The following SLC41A2 variants were observed in gnomAD, a reference collection of about 807,000 sequenced individuals.
SLC41A2 encodes SLC41A1-like 1.
A neutral mutation model predicts 58.3 loss-of-function variants in SLC41A2; 32 were observed. That is an observed-to-expected ratio of 0.55 (90% CI 0.41 to 0.74). SLC41A2 has a LOEUF of 0.74. SLC41A2 is among the 30% of genes least tolerant of loss of function. The pLI is 0.00. For synonymous variants in SLC41A2, 190 were observed against 235.0 expected (o/e 0.81, Z 1.75); for missense variants, 514 against 680.6 (o/e 0.76, Z 2.72).
chr12:104,811,049 AT>A (rs897766870), intron 10 of SLC41A2, among the ~76,000 whole-genome samples: 20 of 151,900 alleles, frequency 1.3e-4, no homozygotes, highest in East Asian at 5.8e-4. Context: ...AGAAATAATG[AT>A]TTTTTTTTCC....
chr12:104,846,363 G>A (rs1333006112), intron 8 of SLC41A2, among the ~76,000 whole-genome samples: 1 of 152,044 alleles, frequency 6.6e-6, no homozygotes, highest in Non-Finnish European at 1.5e-5. Flanking sequence ...TAAAGAAATT[G>A]GTACAGAGCC....
chr12:104,880,687 GC>G (rs1264531130), intron 6 of SLC41A2, among the ~76,000 whole-genome samples: 2 of 152,098 alleles, frequency 1.3e-5, no homozygotes, highest in Non-Finnish European at 2.9e-5. Flanking sequence ...TGGTGGACAC[GC>G]TTTTTGACGT....
At chr12:104,927,866 A>G in intron 2 of SLC41A2, 107 bp downstream of exon 2, 1 of 1,047,936 alleles carries the variant, frequency 9.5e-7, no homozygotes, top group Non-Finnish European at 1.3e-6. Context: ...CAAGGGATAA[A>G]TTAAATCTAA....
intron 10 of SLC41A2, among the ~76,000 whole-genome samples, chr12:104,836,499 T>C (rs527320437): frequency 7.4e-4 from 112 of 152,336 alleles, no homozygotes; most frequent in African/African-American, 2.6e-3. Context: ...ATGGCTTATA[T>C]ATAAATGAAG....
At chr12:104,943,050 A>C (rs1476487209) in intron 1 of SLC41A2, among the ~76,000 whole-genome samples, 2 of 152,202 alleles carry the variant, frequency 1.3e-5, no homozygotes, top group Non-Finnish European at 2.9e-5. Flanking sequence ...CCACTCAAGG[A>C]CCAAATTAAA....
intron 3 of SLC41A2, among the ~76,000 whole-genome samples, chr12:104,904,854 T>C (rs1006415862): frequency 4.6e-5 from 7 of 152,090 alleles, no homozygotes; most frequent in African/African-American, 1.7e-4. Context: ...AAAAGCAGCG[T>C]GGACCCAAAG....
rs369704109 is a variant in SLC41A2, at chr12:104,813,816, CAT to C, written c.1537-8481_1537-8480del. ...ACACCCGGCTAATTTTTGTATTTTT[CAT>C]AGACATGGGGCTTCACCATGTTGGC... On this transcript the variant is annotated intron_variant, in intron 10 of 10. Coordinates refer to ENST00000258538, the MANE Select transcript of SLC41A2 (RefSeq NM_001352171.3). Among the ~76,000 whole-genome samples the C allele has an allele frequency of 5.9e-4, 89 of 152,072 alleles. No homozygotes were observed. In the East Asian group the frequency reaches 0.017, roughly 29 times the overall value.
At chr12:104,842,266 T>C (rs750507884) in intron 10 of SLC41A2, among the ~76,000 whole-genome samples, 16 of 152,162 alleles carry the variant, frequency 1.1e-4, no homozygotes, top group Middle Eastern at 3.4e-3. Flanking sequence ...TGTCAGAACA[T>C]GAAGATTTGA....
chr12:104,836,455 T>C (rs759358817), intron 10 of SLC41A2, among the ~76,000 whole-genome samples: 16 of 152,188 alleles, frequency 1.1e-4, no homozygotes, highest in Non-Finnish European at 1.9e-4. Flanking sequence ...GATCAAAAAC[T>C]TTCAGAAGAA....
chr12:104,931,979 T>A (rs1213504276), intron 1 of SLC41A2, among the ~76,000 whole-genome samples: 1 of 152,230 alleles, frequency 6.6e-6, no homozygotes, highest in Admixed American at 6.5e-5. Context: ...TTTTTGTGTG[T>A]GTGTGTTTTT....
At chr12:104,810,496 T>G (rs2041126058) in intron 10 of SLC41A2, among the ~76,000 whole-genome samples, 1 of 152,236 alleles carries the variant, frequency 6.6e-6, no homozygotes, top group African/African-American at 2.4e-5. Flanking sequence ...ATACACCATT[T>G]AGTAATTTAT....
At chr12:104,846,205 C>T (rs1464596640) in intron 8 of SLC41A2, among the ~76,000 whole-genome samples, 2 of 152,032 alleles carry the variant, frequency 1.3e-5, no homozygotes, top group South Asian at 4.2e-4. Flanking sequence ...TGCAAGCAGA[C>T]CAGAGCAGGT....
chr12:104,805,152 T>C lies in SLC41A2; in HGVS notation c.1722A>G (p.Ter574=). The C allele has an allele frequency of 1.2e-6, 2 of 1,603,328 alleles. No homozygotes were observed. The highest frequency in any genetic ancestry group is 1.7e-6 in the Non-Finnish European group (2 of 1,175,550). The stretch of plus-strand genomic sequence containing the variant: ...ACTTGAGAGCAGTTTGTAGAATTTA[T>C]TAGTCTCCAACATCTCCATCTCGAT... ...IGDRDGDVGD[*] is the part of the protein sequence containing the mutation. Residue 574 remains the stop codon, a stop_retained_variant, in exon 11 of 11, where the codon TAA becomes TAG. Transcript: ENST00000258538.
Position 104,924,005 on chromosome 12 carries a change from CCA to C in SLC41A2, c.555+3966_555+3967del, listed in dbSNP as rs748531550. ...ACTATTTCAAAATTAAGAACTTCTG[CCA>C]CAGAGGAGAGAAAAGATGTTTTAAA... On this transcript the variant is annotated intron_variant, in intron 2 of 10. Coordinates refer to ENST00000258538, the MANE Select transcript of SLC41A2 (RefSeq NM_001352171.3). Among the ~76,000 whole-genome samples the C allele has an allele frequency of 3.9e-5, 6 of 152,200 alleles. No homozygotes were observed. The East Asian group carries it at 1.2e-3, about 29-fold the overall frequency.
intron 4 of SLC41A2, among the ~76,000 whole-genome samples, chr12:104,895,020 A>G (rs1313418298): frequency 6.6e-6 from 1 of 152,180 alleles, no homozygotes; most frequent in African/African-American, 2.4e-5. Context: ...ATGATAGAAA[A>G]TATTTTGTAT....
chr12:104,805,590 CATA>C (rs1002084289), intron 10 of SLC41A2, among the ~76,000 whole-genome samples: 1 of 152,130 alleles, frequency 6.6e-6, no homozygotes, highest in Non-Finnish European at 1.5e-5. Context: ...TCCCAATAGC[CATA>C]ATAATTTGGA....
At chr12:104,909,798 C>G (rs2135780627) in intron 2 of SLC41A2, 36 bp from the exon 3 acceptor site, 1 of 1,410,290 alleles carries the variant, frequency 7.1e-7, no homozygotes, top group Non-Finnish European at 9.7e-7. Context: ...TTTTCTGGCA[C>G]TCTTTAAAAA....
At chr12:104,817,971 T>C (rs2041479564) in intron 10 of SLC41A2, among the ~76,000 whole-genome samples, 1 of 152,044 alleles carries the variant, frequency 6.6e-6, no homozygotes, top group South Asian at 2.1e-4. Context: ...GTTAAAAGAG[T>C]AGATTTTAAA....
chr12:104,957,123 T>TTG (rs1307929423), intron 1 of SLC41A2, among the ~76,000 whole-genome samples: 1 of 152,060 alleles, frequency 6.6e-6, no homozygotes, highest in Non-Finnish European at 1.5e-5. Context: ...GGCCAAAAAC[T>TTG]GGAAACAACC....
Sources: allele counts gnomAD v4.1 joint callset (sites outside exome capture counted in the v4.1 genomes callset), GRCh38; gene constraint gnomAD v4.1.1; transcripts MANE v1.5; gene names NCBI Gene and HGNC (gene_info 2026-07-23, HGNC 2026-07-21).